The following PRUNE2 variants were observed in gnomAD, a reference collection of about 807,000 sequenced individuals.
PRUNE2 encodes protein prune homolog 2.
PRUNE2 carries 164 observed loss-of-function variants against 252.0 expected under a neutral mutation model. The ratio of observed to expected loss-of-function variants is 0.65; its 90% CI spans 0.57 to 0.74. PRUNE2 has a LOEUF of 0.74. Ranked by LOEUF, PRUNE2 falls within the 30% of genes least tolerant of loss-of-function variation. The pLI, the probability that PRUNE2 is intolerant of heterozygous loss-of-function variation, is 0.00. For synonymous variants in PRUNE2, 1,292 were observed against 1,350.2 expected, an observed-to-expected ratio of 0.96 and a Z score of 0.94; for missense variants, 3,495 against 3,711.0, an observed-to-expected ratio of 0.94 and a Z score of 1.51.
chr9:76,866,832 G>A (rs2132953803), intron 1 of PRUNE2, among the ~76,000 whole-genome samples: 1 of 152,136 alleles, frequency 6.6e-6, no homozygotes, highest in Admixed American at 6.5e-5. Context: ...GGGAAGTAGG[G>A]AGGAAGTTAA....
At chr9:76,758,693 TA>T (rs5898504) in intron 6 of PRUNE2, 68,205 of 151,590 alleles carry the variant, frequency 0.45, 16,227 homozygotes, top group Admixed American at 0.55. Context: ...AGGCATTTTC[TA>T]CCCCACAGAA....
At chr9:76,766,182 C>CAAA (rs35059224) in intron 6 of PRUNE2, among the ~76,000 whole-genome samples, 6 of 112,366 alleles carry the variant, frequency 5.3e-5, no homozygotes, top group Non-Finnish European at 3.8e-5. Context: ...GACTCTGCCT[C>CAAA]AAAAAAAAAA....
chr9:76,689,006 G>A (rs2044419318), intron 9 of PRUNE2, among the ~76,000 whole-genome samples: 1 of 152,062 alleles, frequency 6.6e-6, no homozygotes, highest in Admixed American at 6.5e-5. Context: ...CTACAACAAA[G>A]GAAATGAAGC....
At chr9:76,872,902 G>A (rs1209739470) in intron 1 of PRUNE2, among the ~76,000 whole-genome samples, 1 of 152,060 alleles carries the variant, frequency 6.6e-6, no homozygotes, top group Non-Finnish European at 1.5e-5. Flanking sequence ...TTGGACCTGG[G>A]GTCATGCAGA....
intron 6 of PRUNE2, among the ~76,000 whole-genome samples, chr9:76,735,419 CT>C (rs34406993): frequency 0.32 from 42,331 of 132,886 alleles, 6,279 homozygotes; most frequent in Admixed American, 0.43. Flanking sequence ...TTTCTTTCTT[CT>C]TTTTTTTTTT....
At chr9:76,770,187 T>C (rs970855559) in intron 6 of PRUNE2, among the ~76,000 whole-genome samples, 2 of 152,182 alleles carry the variant, frequency 1.3e-5, no homozygotes, top group Admixed American at 6.5e-5. Context: ...TTGACTTCAT[T>C]TGAGGCAACA....
intron 9 of PRUNE2, among the ~76,000 whole-genome samples, chr9:76,659,751 G>T (rs1297933667): frequency 6.6e-6 from 1 of 151,902 alleles, no homozygotes; most frequent in East Asian, 1.9e-4. Context: ...TGAAGAACAT[G>T]AATTTTGGAG....
chr9:76,870,413 C>T lies in PRUNE2; in HGVS notation c.37-16205G>A, dbSNP rs58680452. Among the ~76,000 whole-genome samples, 466 of 151,778 alleles carry T rather than the reference C, an allele frequency of 3.1e-3. 3 individuals carry two copies. The highest frequency in any genetic ancestry group is 0.011 in the African/African-American group (450 of 41,438). On this transcript the variant is annotated intron_variant, in intron 1 of 18. Transcript: ENST00000376718. ...AAAAAAAAAATCCTCCGGCCGGGTG[C>T]GGTGGCTCCCGCCTGTAATCCCAGC...
chr9:76,753,012 T>TA (rs1439911226), intron 6 of PRUNE2, among the ~76,000 whole-genome samples: 1 of 152,216 alleles, frequency 6.6e-6, no homozygotes, highest in Non-Finnish European at 1.5e-5. Context: ...AAGAAAGTAT[T>TA]ACTTTTTCAA....
intron 6 of PRUNE2, chr9:76,779,527 A>G (rs1478779210): frequency 1.3e-5 from 2 of 152,184 alleles, no homozygotes; most frequent in African/African-American, 4.8e-5. Flanking sequence ...ATTTTAAGAG[A>G]AAGTTTTAGA....
chr9:76,736,085 A>C (rs970158963), intron 6 of PRUNE2, among the ~76,000 whole-genome samples: 1 of 152,194 alleles, frequency 6.6e-6, no homozygotes, highest in South Asian at 2.1e-4. Flanking sequence ...CCAAATTTGC[A>C]TAGCTGATGA....
At chr9:76,744,450 G>A (rs566520467) in intron 6 of PRUNE2, among the ~76,000 whole-genome samples, 15 of 152,146 alleles carry the variant, frequency 9.9e-5, no homozygotes, top group African/African-American at 3.6e-4. Context: ...CCCCAAGGGC[G>A]GGGCTGTCTA....
At chr9:76,716,316 CAG>C in intron 6 of PRUNE2, among the ~76,000 whole-genome samples, 1 of 152,344 alleles carries the variant, frequency 6.6e-6, no homozygotes, top group African/African-American at 2.4e-5. Context: ...GTTGGAAATG[CAG>C]AGTCTCCGGC....
At chr9:76,832,829 G>C (rs1032431677) in intron 4 of PRUNE2, among the ~76,000 whole-genome samples, 2 of 151,790 alleles carry the variant, frequency 1.3e-5, no homozygotes, top group African/African-American at 4.8e-5. Context: ...AGAAGACATA[G>C]TTTACCAATA....
intron 6 of PRUNE2, among the ~76,000 whole-genome samples, chr9:76,731,326 T>TA (rs1282077047): frequency 0.19 from 19,525 of 100,268 alleles, 1,831 homozygotes; most frequent in East Asian, 0.51. Context: ...ATATATATAT[T>TA]TTTTTTTTTT....
rs147205969 is a variant in PRUNE2 at position 76,766,232 on chromosome 9, C to G, written c.757-52511G>C. ...AAATATACCAAAGTAAATGCAATATCATTTTTGATTTTTACAAACTAGCTT... is the reference window on the plus strand; with the variant it reads ...AAATATACCAAAGTAAATGCAATATGATTTTTGATTTTTACAAACTAGCTT... On this transcript the variant is annotated intron_variant, in intron 6 of 18. Transcript: ENST00000376718. Among the ~76,000 whole-genome samples, 900 of 150,572 alleles carry G rather than the reference C, an allele frequency of 6.0e-3. 5 individuals are homozygous for G. Among genetic ancestry groups the G allele is most frequent in the Non-Finnish European group, 0.01 (701 of 67,670 alleles).
At chr9:76,887,012 C>T in intron 1 of PRUNE2, among the ~76,000 whole-genome samples, 1 of 152,166 alleles carries the variant, frequency 6.6e-6, no homozygotes. Flanking sequence ...TTTACATATG[C>T]TGTCTAACTT....
intron 9 of PRUNE2, among the ~76,000 whole-genome samples, chr9:76,666,732 C>T (rs1010369187): frequency 1.3e-5 from 2 of 152,078 alleles, no homozygotes; most frequent in African/African-American, 2.4e-5. Context: ...AGTGGTCCCC[C>T]GGGCCCAGCT....
intron 1 of PRUNE2, among the ~76,000 whole-genome samples, chr9:76,860,571 A>G (rs1346052766): frequency 1.3e-5 from 2 of 152,198 alleles, no homozygotes; most frequent in Non-Finnish European, 2.9e-5. Flanking sequence ...CAGTTATAAG[A>G]TGACTTTTCA....
Sources: gnomAD v4.1 joint callset for allele counts (sites outside exome capture counted in the v4.1 genomes callset) on GRCh38, gnomAD v4.1.1 for gene constraint, MANE v1.5 for transcripts, NCBI Gene and HGNC (gene_info 2026-07-23, HGNC 2026-07-21) for gene names.